The following UBASH3A variants were observed in gnomAD, a reference collection of about 807,000 sequenced individuals.
UBASH3A encodes ubiquitin associated and SH3 domain containing A.
In UBASH3A, 63 loss-of-function variants were observed where a neutral mutation model predicts 73.5. The ratio of observed to expected loss-of-function variants is 0.86; its 90% confidence interval spans 0.70 to 1.06. The LOEUF is 1.06. Among genes scored for constraint, UBASH3A ranks in the 50% least tolerant of loss-of-function variants. UBASH3A has a pLI of 0.00. For synonymous variants in UBASH3A, 363 were observed against 351.1 expected, an observed-to-expected ratio of 1.03 and a Z score of -0.38; for missense variants, 860 against 859.0, an observed-to-expected ratio of 1.00 and a Z score of -0.02.
intron 3 of UBASH3A, among the ~76,000 whole-genome samples, chr21:42,409,956 G>A (rs1307442621): frequency 3.3e-5 from 5 of 152,094 alleles, no homozygotes; most frequent in South Asian, 2.1e-4. Flanking sequence ...TCACCAGACC[G>A]AGTCCCTCAA....
chr21:42,425,615 C>A (rs555433575), intron 7 of UBASH3A, among the ~76,000 whole-genome samples: 1 of 152,254 alleles, frequency 6.6e-6, no homozygotes, highest in Admixed American at 6.5e-5. Context: ...TGAGAAGATG[C>A]AAAGTAAATT....
At chr21:42,414,338 G>A (rs928026039) in intron 5 of UBASH3A, among the ~76,000 whole-genome samples, 1 of 152,098 alleles carries the variant, frequency 6.6e-6, no homozygotes, top group South Asian at 2.1e-4. Flanking sequence ...TTAGAAAGTC[G>A]CCCCCGGTCT....
intron 7 of UBASH3A, among the ~76,000 whole-genome samples, chr21:42,422,755 G>T (rs34122383): frequency 4.6e-5 from 7 of 152,068 alleles, no homozygotes; most frequent in Non-Finnish European, 8.8e-5. Flanking sequence ...GTTGCAGAAC[G>T]ATGTGTATGG....
chr21:42,435,466 TG>T (rs2053609412), intron 10 of UBASH3A: 1 of 153,036 alleles, frequency 6.5e-6, no homozygotes. Context: ...AATGGTTAAC[TG>T]CAGAGACCCC....
rs376788364 is a variant in UBASH3A, at chr21:42,442,437, T to A, written c.1487-15T>A. 6.2e-7 allele frequency: 1 copy of A among 1,612,836 alleles called. No homozygotes were observed. Among genetic ancestry groups the A allele is most frequent in the East Asian group, 2.2e-5 (1 of 44,880 alleles). ...ATGTTGAGGATGATAAACACTTGTA[T>A]TCTGTTGAATCCAGAACTCAAACTG... On this transcript the variant is annotated splice_polypyrimidine_tract_variant and intron_variant, in intron 11 of 14. Coordinates refer to ENST00000319294, the MANE Select transcript of UBASH3A (RefSeq NM_018961.4).
chr21:42,428,139 G>A (rs1004824245), intron 8 of UBASH3A, among the ~76,000 whole-genome samples: 1 of 152,126 alleles, frequency 6.6e-6, no homozygotes, highest in African/African-American at 2.4e-5. Context: ...CCAGAGAGAG[G>A]CCTCAAAAGG....
rs1416155731 is a variant in UBASH3A at position 42,447,297 on chromosome 21, T to C, written c.*103T>C. On this transcript the variant is annotated 3_prime_UTR_variant, in exon 15 of 15. Transcript: ENST00000319294. ...CCAGAGGCGTCTTAGTCTCACCCAA[T>C]GTGATTTGTAGAAGCACGAGACGCA... The C allele has an allele frequency of 7.8e-7, 1 of 1,287,874 alleles. No individual in the cohort carries two copies. The highest frequency in any genetic ancestry group is 1.1e-6 in the Non-Finnish European group (1 of 935,304). The allele number at this position is 1,287,874 out of a possible 1,614,324, so 79.8% of individuals were successfully genotyped here.
intron 11 of UBASH3A, 135 bp from the exon 12 acceptor site, chr21:42,442,317 A>G: frequency 1.0e-6 from 1 of 955,142 alleles, no homozygotes; most frequent in Non-Finnish European, 1.6e-6. Flanking sequence ...GGTATTTGCC[A>G]AGAAGAAAAT....
At chr21:42,444,418 G>A (rs910940224) in intron 13 of UBASH3A, 116 bp from the exon 14 acceptor site, 15 of 775,280 alleles carry the variant, frequency 1.9e-5, no homozygotes, top group Middle Eastern at 2.9e-4. Flanking sequence ...CGGGGGTCTC[G>A]CCAGGCTTCG....
intron 7 of UBASH3A, among the ~76,000 whole-genome samples, chr21:42,423,403 G>A (rs2053376922): frequency 2.0e-5 from 3 of 152,346 alleles, no homozygotes; most frequent in Middle Eastern, 3.4e-3. Context: ...GCCAGGTGAC[G>A]TTGTACAATC....
chr21:42,413,495 C>T lies in UBASH3A; in HGVS notation c.639C>T (p.Ser213=). ...GGCTGAGCAATTTAACTAGAGCCTC[C>T]TTCGTGAGCCACTACATCCTTCAAA... is the stretch of plus-strand genomic sequence containing the variant. ...NLRLSNLTRA[S]FVSHYILQKY... is the part of the protein sequence containing the mutation. Residue 213 remains serine, a synonymous_variant, in exon 5 of 15, where the codon TCC becomes TCT. Transcript: ENST00000319294. The surrounding 1 kb of genome is among the most constrained non-coding windows in gnomAD (Gnocchi z 4.5). 3 of 1,613,970 alleles carry T rather than the reference C, an allele frequency of 1.9e-6. No individual in the cohort carries two copies. Among genetic ancestry groups the T allele is most frequent in the Non-Finnish European group, 2.5e-6 (3 of 1,179,878 alleles).
intron 11 of UBASH3A, among the ~76,000 whole-genome samples, chr21:42,440,001 A>C (rs2053710209): frequency 2.1e-5 from 3 of 139,736 alleles, no homozygotes; most frequent in Admixed American, 7.1e-5. Flanking sequence ...ACACCCACAC[A>C]CCACACACAC....
intron 5 of UBASH3A, among the ~76,000 whole-genome samples, chr21:42,415,591 C>T (rs956684441): frequency 3.3e-5 from 5 of 152,248 alleles, no homozygotes; most frequent in East Asian, 1.9e-4. Context: ...GTCTGTGCAC[C>T]GACACGGCGT....
intron 1 of UBASH3A, among the ~76,000 whole-genome samples, chr21:42,405,164 A>T (rs955469776): frequency 6.6e-6 from 1 of 152,176 alleles, no homozygotes; most frequent in African/African-American, 2.4e-5. Flanking sequence ...TCCCCAAATC[A>T]GGGCTTTGTC....
chr21:42,424,327 C>T (rs2053397281), intron 7 of UBASH3A, among the ~76,000 whole-genome samples: 2 of 152,212 alleles, frequency 1.3e-5, no homozygotes, highest in South Asian at 2.1e-4. Context: ...TGTCAATTAA[C>T]ACACCAGTCA....
intron 10 of UBASH3A, among the ~76,000 whole-genome samples, chr21:42,437,177 A>G (rs1438789686): frequency 1.3e-5 from 2 of 152,202 alleles, no homozygotes; most frequent in African/African-American, 4.8e-5. Context: ...AATCCTTCTC[A>G]CTTCACACTT....
At chr21:42,421,891 G>A (rs2053344762) in intron 7 of UBASH3A, among the ~76,000 whole-genome samples, 1 of 152,220 alleles carries the variant, frequency 6.6e-6, no homozygotes, top group South Asian at 2.1e-4. Flanking sequence ...GTACCTGATA[G>A]AAGCTCTTGG....
In UBASH3A at chr21:42,432,206, G is replaced by A. The variant is rs1468987916; in HGVS notation, c.1270+4G>A. The A allele has an allele frequency of 2.5e-6, 4 of 1,599,900 alleles. No individual in the cohort carries two copies. Among genetic ancestry groups the A allele is most frequent in the Non-Finnish European group, 3.4e-6 (4 of 1,167,824 alleles). On this transcript the variant is annotated splice_donor_region_variant and intron_variant, in intron 9 of 14. Transcript: ENST00000319294. ...CAGCAATGCTCCACTCCTGATGGTA[G>A]GTCACACTCAGGCGGGTCTACGGAC... is the stretch of plus-strand genomic sequence containing the variant.
At chr21:42,435,248 A>T (rs2053604902) in intron 10 of UBASH3A, 1 of 222,584 alleles carries the variant, frequency 4.5e-6, no homozygotes, top group Non-Finnish European at 8.8e-6. Flanking sequence ...ACAACCAAGG[A>T]GCTCCAAGGA....
Sources: gnomAD v4.1 joint callset for allele counts (sites outside exome capture counted in the v4.1 genomes callset) on GRCh38, gnomAD v4.1.1 for gene constraint, Gnocchi (gnomAD v3.1) non-coding constraint, MANE v1.5 for transcripts, NCBI Gene and HGNC (gene_info 2026-07-23, HGNC 2026-07-21) for gene names.